Variants in DPYD observed in about 807,000 individuals in gnomAD.
DPYD encodes the protein dihydropyrimidine dehydrogenase [NADP(+)].
A neutral mutation model predicts 116.2 loss-of-function variants in DPYD; 109 were observed. That is an observed-to-expected ratio of 0.94 (90% CI 0.80 to 1.10). The LOEUF (loss-of-function observed/expected upper bound fraction) is 1.10, where lower values mean the gene tolerates loss of function less well. Ranked by LOEUF, DPYD falls within the 50% of genes least tolerant of loss-of-function variation. The pLI, the probability that DPYD is intolerant of heterozygous loss-of-function variation, is 0.00. For synonymous variants in DPYD, 440 were observed against 432.0 expected (o/e 1.02, Z -0.23); for missense variants, 1,302 against 1,254.5 (o/e 1.04, Z -0.57).
At chr1:97,540,992 G>C (rs1452856052) in intron 12 of DPYD, among the ~76,000 whole-genome samples, 1 of 152,128 alleles carries the variant, frequency 6.6e-6, no homozygotes, top group Non-Finnish European at 1.5e-5. Flanking sequence ...TCTATTTGGT[G>C]CTTTTGTAAT....
chr1:97,242,165 TA>T (rs1228852828), intron 18 of DPYD, among the ~76,000 whole-genome samples: 1 of 130,282 alleles, frequency 7.7e-6, no homozygotes, highest in Non-Finnish European at 1.6e-5. Flanking sequence ...TATATATATA[TA>T]TATATCTTCT....
chr1:97,641,447 G>A (rs892806394), intron 8 of DPYD, among the ~76,000 whole-genome samples: 9 of 151,926 alleles, frequency 5.9e-5, no homozygotes, highest in East Asian at 1.9e-4. Context: ...TTCCAGTTCC[G>A]CTTTCATTTC....
At chr1:97,178,513 A>G (rs897998539) in intron 20 of DPYD, among the ~76,000 whole-genome samples, 8 of 152,248 alleles carry the variant, frequency 5.3e-5, no homozygotes, top group Admixed American at 1.3e-4. Context: ...AGATCTCGTG[A>G]GAACTCACTC....
At chr1:97,799,099 G>T (rs894236504) in intron 3 of DPYD, among the ~76,000 whole-genome samples, 3 of 151,828 alleles carry the variant, frequency 2.0e-5, no homozygotes, top group African/African-American at 4.8e-5. Flanking sequence ...GTATAGTCTT[G>T]TAATTCATCT....
chr1:97,452,585 T>A (rs766544644), intron 13 of DPYD, among the ~76,000 whole-genome samples: 26 of 152,134 alleles, frequency 1.7e-4, no homozygotes, highest in Non-Finnish European at 3.2e-4. Context: ...ATCCTCTGTG[T>A]TGGAGGTGGG....
chr1:97,227,299 C>CTCCAGCCT (rs1256064489), intron 19 of DPYD, among the ~76,000 whole-genome samples: 4 of 135,660 alleles, frequency 2.9e-5, no homozygotes, highest in Non-Finnish European at 6.1e-5. Context: ...GGCCACTGCG[C>CTCCAGCCT]TCCAGCCTGG....
At chr1:97,353,162 C>G (rs1670238279) in intron 16 of DPYD, among the ~76,000 whole-genome samples, 1 of 152,154 alleles carries the variant, frequency 6.6e-6, no homozygotes, top group Non-Finnish European at 1.5e-5. Context: ...TCTAACACCC[C>G]CGCTGTTCCT....
chr1:97,799,184 T>G (rs1004472270), intron 3 of DPYD, among the ~76,000 whole-genome samples: 1 of 151,982 alleles, frequency 6.6e-6, no homozygotes, highest in African/African-American at 2.4e-5. Flanking sequence ...CCTGGAAGCC[T>G]GTACACTGTT....
chr1:97,530,220 T>TC (rs1557776635), intron 12 of DPYD, among the ~76,000 whole-genome samples: 4 of 116,294 alleles, frequency 3.4e-5, no homozygotes, highest in Non-Finnish European at 3.5e-5. Flanking sequence ...TTTTCTTTTT[T>TC]TTTTTTTTTT....
intron 8 of DPYD, among the ~76,000 whole-genome samples, chr1:97,652,914 C>T (rs75722236): frequency 0.035 from 5,325 of 152,210 alleles, 171 homozygotes; most frequent in Non-Finnish European, 0.044. Flanking sequence ...TAGGCATATG[C>T]CATCCCATAA....
At chr1:97,789,863 A>G (rs1397551385) in intron 3 of DPYD, among the ~76,000 whole-genome samples, 3 of 152,242 alleles carry the variant, frequency 2.0e-5, no homozygotes. Flanking sequence ...AGTTATTAGC[A>G]TGCAGCTTTA....
intron 12 of DPYD, chr1:97,546,964 G>C (rs1650921688): frequency 3.7e-6 from 6 of 1,606,358 alleles, no homozygotes; most frequent in Non-Finnish European, 5.1e-6. Context: ...TGATGACTAA[G>C]CAGTACTCTG....
At chr1:97,614,567 T>C (rs977104341) in intron 8 of DPYD, among the ~76,000 whole-genome samples, 8 of 152,054 alleles carry the variant, frequency 5.3e-5, no homozygotes, top group East Asian at 1.9e-4. Context: ...TTCACAGAGA[T>C]GAGGCCTAAA....
chr1:97,738,733 A>G (rs945130778), intron 4 of DPYD, among the ~76,000 whole-genome samples: 1 of 151,810 alleles, frequency 6.6e-6, no homozygotes, highest in African/African-American at 2.4e-5. Flanking sequence ...TATCTTCTCA[A>G]TTAATCATCT....
chr1:97,750,361 A>G (rs1664801759), intron 3 of DPYD, among the ~76,000 whole-genome samples: 1 of 152,138 alleles, frequency 6.6e-6, no homozygotes, highest in Non-Finnish European at 1.5e-5. Flanking sequence ...TTCCTATACA[A>G]TTCCTAGATG....
chr1:97,465,241 A>G (rs1164518954), intron 13 of DPYD, among the ~76,000 whole-genome samples: 2 of 152,116 alleles, frequency 1.3e-5, no homozygotes, highest in Admixed American at 1.3e-4. Flanking sequence ...GAAGTAACTA[A>G]CTTTCTTTTG....
At chr1:97,245,695 G>A (rs1171059792) in intron 18 of DPYD, among the ~76,000 whole-genome samples, 1 of 151,992 alleles carries the variant, frequency 6.6e-6, no homozygotes, top group Non-Finnish European at 1.5e-5. Flanking sequence ...ATAACAAGTG[G>A]GCATTATTCT....
intron 2 of DPYD, among the ~76,000 whole-genome samples, chr1:97,846,744 G>A (rs572831375): frequency 5.9e-5 from 9 of 152,306 alleles, no homozygotes; most frequent in Non-Finnish European, 1.3e-4. Context: ...AGTCTTTACA[G>A]GGAAATAGTT....
intron 20 of DPYD, among the ~76,000 whole-genome samples, chr1:97,119,799 G>C (rs576051040): frequency 6.6e-6 from 1 of 152,132 alleles, no homozygotes; most frequent in Non-Finnish European, 1.5e-5. Context: ...AGCAACATGC[G>C]CTCTCTTCAG....
Sources: gnomAD v4.1 joint callset for allele counts (sites outside exome capture counted in the v4.1 genomes callset) on GRCh38, gnomAD v4.1.1 for gene constraint, MANE v1.5 for transcripts, NCBI Gene and HGNC (gene_info 2026-07-23, HGNC 2026-07-21) for gene names.